PADI6: variants seen among roughly 807,000 people sequenced by gnomAD.
PADI6 encodes the protein inactive protein-arginine deiminase type-6.
Under a neutral mutation model 78.2 loss-of-function variants are expected in PADI6, and 66 were observed. The observed-to-expected ratio is 0.84, with a 90% CI of 0.69 to 1.04. The LOEUF (loss-of-function observed/expected upper bound fraction) is 1.04. Among genes scored for constraint, PADI6 ranks in the 50% least tolerant of loss-of-function variants. PADI6 has a pLI of 0.00. For missense variants in PADI6, 854 were observed against 866.1 expected (o/e 0.99, Z 0.18); for synonymous variants, 397 against 346.9 (o/e 1.14, Z -1.60).
Position 17,388,550 on chromosome 1 carries a change from T to C in PADI6, c.849T>C (p.Ser283=). The change falls in exon 7 of 16, where the codon TCT becomes TCC. Residue 283 remains serine, a synonymous_variant. Transcript: ENST00000619609. ...ISYSVSLVEE[S]QDPSIPETVL... is the part of the protein sequence containing the mutation. ...ACTCTGTGTCCCTGGTGGAGGAGTC[T>C]CAAGACCCGGTATGTCCCCATAATA... 1 of 1,610,324 alleles carries C rather than the reference T, an allele frequency of 6.2e-7. No homozygotes were observed. Among genetic ancestry groups the C allele is most frequent in the South Asian group, 1.1e-5 (1 of 90,786 alleles).
At chr1:17,398,551 GCA>G (rs908397104) in intron 14 of PADI6, 133 bp from the exon 15 acceptor site, 1 of 598,198 alleles carries the variant, frequency 1.7e-6, no homozygotes, top group Non-Finnish European at 3.0e-6. Context: ...GAGGCTCCTG[GCA>G]CACAGCAAGT....
intron 2 of PADI6, among the ~76,000 whole-genome samples, chr1:17,374,046 C>T (rs1485775912): frequency 6.6e-6 from 1 of 152,034 alleles, no homozygotes; most frequent in African/African-American, 2.4e-5. Context: ...AACATCAATA[C>T]CCAGGCCACA....
intron 3 of PADI6, among the ~76,000 whole-genome samples, chr1:17,376,460 C>T (rs984863228): frequency 1.1e-4 from 17 of 149,800 alleles, no homozygotes; most frequent in East Asian, 9.7e-4. Context: ...CCACCATGCC[C>T]GGCTAATTTT....
At chr1:17,372,976 G>A (rs576907477) in intron 1 of PADI6, 80 bp from the exon 2 acceptor site, 96 of 1,440,346 alleles carry the variant, frequency 6.7e-5, no homozygotes, top group African/African-American at 3.8e-4. Context: ...TTCGGGAGCC[G>A]TCCCCTCCCC....
At chr1:17,373,418 AAC>A (rs1415555197) in intron 2 of PADI6, among the ~76,000 whole-genome samples, 185 bp downstream of exon 2, 2 of 152,172 alleles carry the variant, frequency 1.3e-5, no homozygotes, top group Non-Finnish European at 2.9e-5. Context: ...TTTACAAAGA[AAC>A]AGAGGCACCT....
At chr1:17,392,017 T>C (rs2075189784) in intron 8 of PADI6, 97 bp from the exon 9 acceptor site, 11 of 1,019,532 alleles carry the variant, frequency 1.1e-5, no homozygotes, top group Non-Finnish European at 1.6e-5. Flanking sequence ...CCTCTCCTGG[T>C]GAGAAGGATG....
chr1:17,398,960 G>A, intron 15 of PADI6, 113 bp downstream of exon 15: 2 of 1,154,058 alleles, frequency 1.7e-6, no homozygotes, highest in Non-Finnish European at 2.4e-6. Context: ...CGGTACCTAT[G>A]AGGAAATGGG....
chr1:17,401,331 T>A lies in PADI6; in HGVS notation c.1978T>A (p.Phe660Ile), dbSNP rs752919507. The part of the protein sequence containing the change: ...LLEPLGFKCT[F>I]INDFDCYLTE... Reference sequence around the variant, plus strand: ...GGAGCCCCTGGGCTTCAAGTGCACCTTCATCAATGACTTTGACTGTTACCT... The same window carrying A: ...GGAGCCCCTGGGCTTCAAGTGCACCATCATCAATGACTTTGACTGTTACCT... The change falls in exon 16 of 16, where the codon TTC (phenylalanine) becomes ATC (isoleucine). Residue 660 changes from phenylalanine to isoleucine, a missense_variant. Physicochemically the swap from Phe to Ile is conservative, Grantham distance 21. Coordinates refer to ENST00000619609, the MANE Select transcript of PADI6 (RefSeq NM_207421.4). 2 of 1,613,954 alleles carry A rather than the reference T, an allele frequency of 1.2e-6. No homozygotes were observed. The highest frequency in any genetic ancestry group is 1.1e-5 in the South Asian group (1 of 91,090).
chr1:17,379,708 TG>T (rs2075054374), intron 3 of PADI6, among the ~76,000 whole-genome samples: 1 of 152,196 alleles, frequency 6.6e-6, no homozygotes, highest in African/African-American at 2.4e-5. Context: ...CTGGGAGGTT[TG>T]GGGTAGACAT....
chr1:17,384,987 A>C (rs1031357382), intron 6 of PADI6, among the ~76,000 whole-genome samples: 1 of 152,200 alleles, frequency 6.6e-6, no homozygotes, highest in African/African-American at 2.4e-5. Context: ...TATAGATGGA[A>C]CTGATCCAAC....
intron 8 of PADI6, among the ~76,000 whole-genome samples, chr1:17,389,893 C>T (rs1270568795): frequency 6.6e-6 from 1 of 152,244 alleles, no homozygotes; most frequent in African/African-American, 2.4e-5. Flanking sequence ...CAGATTACTA[C>T]CACCACGTTG....
intron 13 of PADI6, 128 bp from the exon 14 acceptor site, chr1:17,396,943 C>T (rs539021082): frequency 3.7e-6 from 3 of 803,948 alleles, no homozygotes; most frequent in African/African-American, 1.7e-5. Flanking sequence ...GGAGATAGGC[C>T]AGTCCTCTCG....
intron 6 of PADI6, among the ~76,000 whole-genome samples, chr1:17,386,617 C>A (rs2075122119): frequency 6.6e-6 from 1 of 152,162 alleles, no homozygotes; most frequent in Admixed American, 6.5e-5. Flanking sequence ...CCCATGAGGC[C>A]TGGCTCAGGG....
intron 13 of PADI6, among the ~76,000 whole-genome samples, chr1:17,396,108 G>T (rs1178445498): frequency 6.6e-6 from 1 of 152,164 alleles, no homozygotes; most frequent in Non-Finnish European, 1.5e-5. Context: ...GGAGTGGGCT[G>T]GGCATGGTGG....
chr1:17,399,249 T>C (rs2075277467), intron 15 of PADI6, among the ~76,000 whole-genome samples: 1 of 152,208 alleles, frequency 6.6e-6, no homozygotes, highest in African/African-American at 2.4e-5. Flanking sequence ...TCCTGTCCGC[T>C]ATCTCCAGGG....
Position 17,392,242 on chromosome 1 carries a change from G to GA in PADI6, c.1074+19dup, listed in dbSNP as rs1423655488. 4 of 1,534,488 alleles carry GA rather than the reference G, an allele frequency of 2.6e-6. No individual in the cohort carries two copies. The highest frequency in any genetic ancestry group is 3.5e-6 in the Non-Finnish European group (4 of 1,131,558). Reference sequence around the variant, plus strand: ...TGGCTCCAGGTAACACCCCACCTGGGAACCCACCTGTCGGGGAGGGGTGGG... The same window carrying GA: ...TGGCTCCAGGTAACACCCCACCTGGGAAACCCACCTGTCGGGGAGGGGTGGG... On this transcript the variant is annotated intron_variant, in intron 9 of 15. Transcript: ENST00000619609.
At chr1:17,374,102 T>C (rs2100283996) in intron 2 of PADI6, among the ~76,000 whole-genome samples, 1 of 152,198 alleles carries the variant, frequency 6.6e-6, no homozygotes, top group Non-Finnish European at 1.5e-5. Context: ...ACCTCAGGGC[T>C]AGGATCCTGG....
intron 1 of PADI6, 74 bp downstream of exon 1, chr1:17,372,435 T>A (rs1454011778): frequency 2.2e-6 from 3 of 1,381,742 alleles, no homozygotes; most frequent in Middle Eastern, 1.8e-4. Flanking sequence ...CCCCTTGATC[T>A]GGGAGTTGGG....
rs370126096 is a variant in PADI6 at position 17,381,152 on chromosome 1, A to T, written c.541A>T (p.Ile181Phe). The T allele has an allele frequency of 2.0e-4, 326 of 1,602,198 alleles. No individual in the cohort carries two copies. Among genetic ancestry groups the T allele is most frequent in the Non-Finnish European group, 2.6e-4 (309 of 1,174,490 alleles). ...QLEDKKTKKV[I>F]FSEEITNLSQ... ...TGAGGACAAGAAAACCAAGAAAGTG[A>T]TCTTTTCAGAGGGTAGGACCTCAGA... The change falls in exon 5 of 16, where the codon ATC becomes TTC. Residue 181 changes from isoleucine to phenylalanine, a missense_variant. Physicochemically the swap from Ile to Phe is conservative, Grantham distance 21. Coordinates refer to ENST00000619609, the MANE Select transcript of PADI6 (RefSeq NM_207421.4).
Sources: gnomAD v4.1 joint callset for allele counts (sites outside exome capture counted in the v4.1 genomes callset) on GRCh38, gnomAD v4.1.1 for gene constraint, MANE v1.5 for transcripts, NCBI Gene and HGNC (gene_info 2026-07-23, HGNC 2026-07-21) for gene names.